The following SEC24D variants were observed in gnomAD, a reference collection of about 807,000 sequenced individuals.
The protein encoded by SEC24D is SEC24 homolog D, COPII component, also known as protein transport protein Sec24D.
Under a neutral mutation model 116.9 loss-of-function variants are expected in SEC24D, and 69 were observed. The observed-to-expected ratio is 0.59, with a 90% CI of 0.49 to 0.72. The LOEUF (loss-of-function observed/expected upper bound fraction) is 0.72. SEC24D is among the 30% of genes least tolerant of loss of function. SEC24D has a pLI of 0.00. For synonymous variants in SEC24D, 405 were observed against 442.8 expected (o/e 0.91, Z 1.07); for missense variants, 1,131 against 1,264.1 (o/e 0.89, Z 1.60).
intron 3 of SEC24D, among the ~76,000 whole-genome samples, chr4:118,820,334 C>A (rs1392872650): frequency 6.6e-5 from 10 of 152,008 alleles, no homozygotes; most frequent in Non-Finnish European, 1.5e-4. Flanking sequence ...GTACGCAGCA[C>A]CACACCCAGC....
At chr4:118,790,274 G>A (rs1423038277) in intron 8 of SEC24D, among the ~76,000 whole-genome samples, 1 of 152,096 alleles carries the variant, frequency 6.6e-6, no homozygotes, top group East Asian at 1.9e-4. Context: ...AGTCACAGAT[G>A]GAGTAAAAGC....
intron 8 of SEC24D, among the ~76,000 whole-genome samples, chr4:118,785,529 C>T (rs142501110): frequency 1.5e-3 from 222 of 152,148 alleles, no homozygotes; most frequent in African/African-American, 5.0e-3. Flanking sequence ...CAGGAAGTGA[C>T]TAAAAGGACA....
chr4:118,756,665 G>C (rs1044361249), intron 11 of SEC24D, among the ~76,000 whole-genome samples: 3 of 152,064 alleles, frequency 2.0e-5, no homozygotes, highest in Non-Finnish European at 4.4e-5. Flanking sequence ...AGACAGGTTG[G>C]GGGTGGGACA....
intron 8 of SEC24D, 47 bp downstream of exon 8, chr4:118,797,634 AAT>A: frequency 7.2e-7 from 1 of 1,390,358 alleles, no homozygotes; most frequent in Non-Finnish European, 9.7e-7. Flanking sequence ...AGAAAATGGT[AAT>A]TTTGGAATTG....
chr4:118,731,465 G>C lies in SEC24D; in HGVS notation c.2719C>G (p.Arg907Gly). 6.2e-7 allele frequency: 1 copy of C among 1,614,090 alleles called. No individual in the cohort carries two copies. Among genetic ancestry groups the C allele is most frequent in the African/African-American group, 1.3e-5 (1 of 75,042 alleles). Residue 907 changes from arginine (R) to glycine (G), a missense_variant, in exon 21 of 23, where the codon CGT (arginine) becomes GGT (glycine). Physicochemically the swap from Arg to Gly is moderately radical, Grantham distance 125. Transcript: ENST00000280551. ...TCTGAAAGACGGGACTCAGAGCAAC[G>C]AACGGCAGCAGGTAACATTGTACTC... Reference protein sequence around the residue: ...VKSTMLPAAVRCSESRLSEEG... With the variant: ...VKSTMLPAAVGCSESRLSEEG...
At chr4:118,767,452 T>A (rs1727693773) in intron 9 of SEC24D, among the ~76,000 whole-genome samples, 1 of 152,326 alleles carries the variant, frequency 6.6e-6, no homozygotes, top group Non-Finnish European at 1.5e-5. Context: ...AGAAAACTCA[T>A]ACTCTAGTAA....
intron 8 of SEC24D, among the ~76,000 whole-genome samples, chr4:118,779,357 T>C (rs1250466015): frequency 1.3e-5 from 2 of 152,230 alleles, no homozygotes; most frequent in Non-Finnish European, 2.9e-5. Flanking sequence ...TCTATTGAGA[T>C]AATCATGTGG....
chr4:118,726,934 T>C (rs1037948952), intron 22 of SEC24D, among the ~76,000 whole-genome samples: 2 of 152,256 alleles, frequency 1.3e-5, no homozygotes, highest in Admixed American at 1.3e-4. Flanking sequence ...TTCTCCTACC[T>C]AATCTTAACC....
rs953173367 is a variant in SEC24D, at chr4:118,752,799, G to T, written c.1511C>A (p.Ala504Asp). The stretch of plus-strand genomic sequence containing the variant: ...AGTCACCACCATCATCTGAGGCTGG[G>T]CCAGATTACTCTTCACATTAAAGAA... ...LHFFNVKSNL[A>D]QPQMMVVTDV... Residue 504 changes from alanine to aspartate, a missense_variant, in exon 12 of 23, where the codon GCC (alanine) becomes GAC (aspartate). Physicochemically the swap from Ala to Asp is moderately radical, Grantham distance 126 (BLOSUM62 -2). Transcript: ENST00000280551. The T allele has an allele frequency of 1.6e-5, 26 of 1,611,272 alleles. No individual in the cohort carries two copies. The highest frequency in any genetic ancestry group is 2.0e-5 in the Non-Finnish European group (24 of 1,178,742).
Position 118,738,166 on chromosome 4 carries a change from G to A in SEC24D, c.2496+95C>T, listed in dbSNP as rs10032804. The A allele has an allele frequency of 4.1e-3, 3,330 of 817,392 alleles. 84 individuals carry two copies. The African/African-American group carries it at 0.05, about 12-fold the overall frequency. 50.6% of individuals were successfully genotyped at this position (817,392 alleles called of 1,614,324 possible). A position where few individuals can be genotyped will look rare whatever the true frequency, so the allele number is the denominator to read the frequency against. On this transcript the variant is annotated intron_variant, in intron 19 of 22. Coordinates refer to ENST00000280551, the MANE Select transcript of SEC24D (RefSeq NM_014822.4). ...CACTGTTTACTGTAACAGCATCTAA[G>A]TGCCTGCAACATCATAAGCCTTCTA...
chr4:118,728,683 G>C, intron 21 of SEC24D, 33 bp from the exon 22 acceptor site: 1 of 1,261,038 alleles, frequency 7.9e-7, no homozygotes, highest in Non-Finnish European at 1.1e-6. Flanking sequence ...TTTTAGTACA[G>C]TTTATAACAT....
At chr4:118,744,881 C>A in intron 14 of SEC24D, 63 bp downstream of exon 14, 1 of 882,590 alleles carries the variant, frequency 1.1e-6, no homozygotes, top group Non-Finnish European at 1.9e-6. Flanking sequence ...ACATGAAGAA[C>A]ACACTGCCTC....
chr4:118,766,900 G>A (rs1727668541), intron 9 of SEC24D: 1 of 152,194 alleles, frequency 6.6e-6, no homozygotes, highest in African/African-American at 2.4e-5. Context: ...CATGAATTTG[G>A]TTGCAGATTT....
At chr4:118,729,910 G>A (rs1725597853) in intron 21 of SEC24D, 2 of 152,194 alleles carry the variant, frequency 1.3e-5, no homozygotes, top group Non-Finnish European at 2.9e-5. Flanking sequence ...GGCATATTAT[G>A]GTAGATCTAT....
intron 8 of SEC24D, among the ~76,000 whole-genome samples, chr4:118,792,000 A>G (rs543800347): frequency 9.7e-4 from 138 of 141,974 alleles, no homozygotes; most frequent in African/African-American, 3.2e-3. Flanking sequence ...CTGGGAAGTG[A>G]GAAGCGCCTC....
In SEC24D at chr4:118,751,981, G is replaced by A. The variant is rs368236918; in HGVS notation, c.1707+15C>T. Reference sequence around the variant, plus strand: ...AAAATTTATTTACTAGCAATTAGAAGTGGCTTCTTCTCACCTTTAGTGCTT... The same window carrying A: ...AAAATTTATTTACTAGCAATTAGAAATGGCTTCTTCTCACCTTTAGTGCTT... On this transcript the variant is annotated intron_variant, in intron 13 of 22. Transcript: ENST00000280551. 2.0e-5 allele frequency: 31 copies of A among 1,533,230 alleles called. No individual in the cohort carries two copies. The highest frequency in any genetic ancestry group is 4.6e-5 in the South Asian group (4 of 87,454). The allele number at this position is 1,533,230 out of a possible 1,614,324, so 95.0% of individuals were successfully genotyped here.
chr4:118,782,017 G>A (rs1004997002), intron 8 of SEC24D, among the ~76,000 whole-genome samples: 3 of 152,124 alleles, frequency 2.0e-5, no homozygotes, highest in South Asian at 4.1e-4. Context: ...GCTTCCTTGC[G>A]ATGGGTTTGA....
chr4:118,743,083 AT>A (rs1337167577), intron 15 of SEC24D, among the ~76,000 whole-genome samples: 1 of 152,098 alleles, frequency 6.6e-6, no homozygotes, highest in Non-Finnish European at 1.5e-5. Context: ...TAGTGCTGAC[AT>A]TTTGATTGTC....
At chr4:118,835,054 T>C (rs1731032663) in intron 1 of SEC24D, among the ~76,000 whole-genome samples, 1 of 152,226 alleles carries the variant, frequency 6.6e-6, no homozygotes, top group East Asian at 1.9e-4. Flanking sequence ...AAAGGCCTTC[T>C]GGTCCACTTT....
Sources: gnomAD v4.1 joint callset for allele counts (sites outside exome capture counted in the v4.1 genomes callset) on GRCh38, gnomAD v4.1.1 for gene constraint, MANE v1.5 for transcripts, NCBI Gene and HGNC (gene_info 2026-07-23, HGNC 2026-07-21) for gene names.